The following IL24 variants were observed in gnomAD, a reference collection of about 807,000 sequenced individuals.
IL24 encodes the protein interleukin-24.
A neutral mutation model predicts 27.6 loss-of-function variants in IL24; 24 were observed. That is an observed-to-expected ratio of 0.87 (90% CI 0.63 to 1.22). IL24 has a LOEUF of 1.22. IL24 is among the 50% of genes most tolerant of loss of function. The pLI is 0.00. For missense variants in IL24, 240 were observed against 237.0 expected (o/e 1.01, Z -0.08); for synonymous variants, 99 against 93.1 (o/e 1.06, Z -0.36).
At position 206,901,665 on chromosome 1, in the gene IL24, C is replaced by G. The variant is rs190442232; in HGVS notation, c.462+13C>G. On this transcript the variant is annotated intron_variant, in intron 5 of 6. Transcript: ENST00000294984. ...ACTGCAACCCAGTGTGAGTAGCACACGCTCTGGATACTGGCAGCTCTGGGT... is the reference window on the plus strand; with the variant it reads ...ACTGCAACCCAGTGTGAGTAGCACAGGCTCTGGATACTGGCAGCTCTGGGT... 5.0e-6 allele frequency: 8 copies of G among 1,608,182 alleles called. No individual in the cohort carries two copies. Among genetic ancestry groups the G allele is most frequent in the African/African-American group, 4.0e-5 (3 of 74,920 alleles).
chr1:206,901,607 T>C lies in IL24; in HGVS notation c.417T>C (p.Thr139=). ...VEVRTLKSFS[T]LANNFVLIVS... ...TCAGGACTCTGAAGTCATTCTCTAC[T>C]CTGGCCAACAACTTTGTTCTCATCG... Residue 139 remains threonine (T), a synonymous_variant, in exon 5 of 7, where the codon ACT becomes ACC. Transcript: ENST00000294984. 6.2e-7 allele frequency: 1 copy of C among 1,614,244 alleles called. No homozygotes were observed. Among genetic ancestry groups the C allele is most frequent in the South Asian group, 1.1e-5 (1 of 91,082 alleles).
At position 206,903,163 on chromosome 1, in the gene IL24, GC is replaced by G; in HGVS notation, c.*106del. On this transcript the variant is annotated 3_prime_UTR_variant, in exon 7 of 7. Coordinates refer to ENST00000294984, the MANE Select transcript of IL24 (RefSeq NM_006850.3). ...GTTCACTGGACACTTCACGCCCTTG[GC>G]CATGGGTCCCATTCTTGGCCCAGGA... 1.0e-6 allele frequency: 1 copy of G among 967,566 alleles called. No individual in the cohort carries two copies. Among genetic ancestry groups the G allele is most frequent in the Non-Finnish European group, 1.7e-6 (1 of 604,832 alleles). The allele number at this position is 967,566 out of a possible 1,614,324, so 59.9% of individuals were successfully genotyped here. A position where few individuals can be genotyped will look rare whatever the true frequency, so the allele number is the denominator to read the frequency against.
In IL24 at chr1:206,900,290, C is replaced by A. The variant is rs752898904; in HGVS notation, c.241-5C>A. 1 of 1,613,030 alleles carries A rather than the reference C, an allele frequency of 6.2e-7. No homozygotes were observed. The highest frequency in any genetic ancestry group is 1.1e-5 in the South Asian group (1 of 91,012). ...TGGAGACGTCTTTTCTTTCTGTTTG[C>A]CAAGCAAGCTCAGGATAACATCACG... On this transcript the variant is annotated splice_polypyrimidine_tract_variant and splice_region_variant and intron_variant, in intron 3 of 6. Transcript: ENST00000294984.
At chr1:206,902,189 G>T in intron 6 of IL24, 117 bp downstream of exon 6, 1 of 1,462,042 alleles carries the variant, frequency 6.8e-7, no homozygotes, top group Non-Finnish European at 9.0e-7. Context: ...CATCAGCTTT[G>T]CTCCAAAGCC....
chr1:206,900,271 C>A (rs373839792), intron 3 of IL24, 24 bp from the exon 4 acceptor site: 1 of 1,611,758 alleles, frequency 6.2e-7, no homozygotes, highest in East Asian at 2.2e-5. Context: ...AACCTGGAGA[C>A]GTCTTTTCTT....
chr1:206,899,044 G>A (rs1233869624), intron 2 of IL24, among the ~76,000 whole-genome samples: 2 of 152,224 alleles, frequency 1.3e-5, no homozygotes, highest in Non-Finnish European at 2.9e-5. Context: ...CTGCGATGGA[G>A]AAGGAGGAGG....
Position 206,901,994 on chromosome 1 carries a change from G to T in IL24, c.463-4G>T, listed in dbSNP as rs1678405769. 1.2e-6 allele frequency: 2 copies of T among 1,613,978 alleles called. No individual in the cohort carries two copies. The highest frequency in any genetic ancestry group is 1.7e-6 in the Non-Finnish European group (2 of 1,179,914). On this transcript the variant is annotated splice_polypyrimidine_tract_variant and splice_region_variant and intron_variant, in intron 5 of 6. Transcript: ENST00000294984. ...GGCACAACTTCTTTTCCCATGTTAT[G>T]TAGCAAGAAAATGAGATGTTTTCCA... is the stretch of plus-strand genomic sequence containing the variant.
Position 206,902,959 on chromosome 1 carries a change from C to T in IL24, c.538-17C>T, listed in dbSNP as rs772937595. The T allele has an allele frequency of 1.2e-6, 2 of 1,614,152 alleles. No individual in the cohort carries two copies. Among genetic ancestry groups the T allele is most frequent in the Middle Eastern group, 1.6e-4 (1 of 6,062 alleles). Reference sequence around the variant, plus strand: ...CATAGCTAACATGGCTGACCTTCAACCCTCTTTTCCCTTTAGTTGGACGTA... The same window carrying T: ...CATAGCTAACATGGCTGACCTTCAATCCTCTTTTCCCTTTAGTTGGACGTA... On this transcript the variant is annotated splice_polypyrimidine_tract_variant and intron_variant, in intron 6 of 6. Transcript: ENST00000294984.
intron 4 of IL24, among the ~76,000 whole-genome samples, chr1:206,900,758 T>G (rs1386214425): frequency 6.6e-6 from 1 of 151,940 alleles, no homozygotes; most frequent in East Asian, 1.9e-4. Context: ...CTGGATAGAT[T>G]TAGGGGGTCC....
chr1:206,898,468 GAAGA>G (rs1274818050), intron 2 of IL24, among the ~76,000 whole-genome samples: 2 of 151,810 alleles, frequency 1.3e-5, no homozygotes, highest in Admixed American at 6.6e-5. Flanking sequence ...AGGAAAGAAG[GAAGA>G]AAGAAAGGTA....
chr1:206,902,099 C>T, intron 6 of IL24, 27 bp downstream of exon 6: 1 of 1,613,678 alleles, frequency 6.2e-7, no homozygotes, highest in Middle Eastern at 1.6e-4. Flanking sequence ...AGAGCTTGCC[C>T]ATCCAGCAGA....
chr1:206,902,240 C>T lies in IL24; in HGVS notation c.537+168C>T, dbSNP rs574651616. The T allele has an allele frequency of 2.1e-5, 21 of 985,372 alleles. No homozygotes were observed. In the East Asian group the frequency reaches 4.5e-4, roughly 21 times the overall value. 61.0% of individuals were successfully genotyped at this position (985,372 alleles called of 1,614,324 possible). ...AGCACAGTTATATTTGCAGAAGCAT[C>T]GTAAACTAAGTGGTCTTTTTTCTTC... is the stretch of plus-strand genomic sequence containing the variant. On this transcript the variant is annotated intron_variant, in intron 6 of 6. Transcript: ENST00000294984.
chr1:206,898,164 CAAAAA>C (rs59175256), intron 2 of IL24, among the ~76,000 whole-genome samples: 12 of 100,026 alleles, frequency 1.2e-4, no homozygotes, highest in South Asian at 4.2e-4. Context: ...GAAATTCTGT[CAAAAA>C]AAAAAAAAAA....
chr1:206,897,640 C>T, intron 1 of IL24, 25 bp downstream of exon 1: 1 of 471,410 alleles, frequency 2.1e-6, no homozygotes, highest in East Asian at 3.7e-5. Context: ...TTCTTGGTTA[C>T]TTTTTTTTGA....
intron 2 of IL24, among the ~76,000 whole-genome samples, chr1:206,899,007 G>A (rs1294963021): frequency 6.6e-6 from 1 of 152,312 alleles, no homozygotes; most frequent in South Asian, 2.1e-4. Context: ...GTCAAATTCT[G>A]ACTCGCAGGT....
Position 206,901,475 on chromosome 1 carries a change from T to C in IL24, c.304-19T>C. The C allele has an allele frequency of 2.5e-6, 4 of 1,602,274 alleles. No individual in the cohort carries two copies. The South Asian group carries it at 4.5e-5, about 18-fold the overall frequency. ...GTGGGCAGAGGCCTTGGCTCAGCAG[T>C]GACCCAGACCTTCCCCAGGATGCTG... On this transcript the variant is annotated intron_variant, in intron 4 of 6. Coordinates refer to ENST00000294984, the MANE Select transcript of IL24 (RefSeq NM_006850.3).
At chr1:206,900,705 C>T (rs1678346167) in intron 4 of IL24, among the ~76,000 whole-genome samples, 1 of 151,966 alleles carries the variant, frequency 6.6e-6, no homozygotes, top group East Asian at 1.9e-4. Context: ...GTCCTTTTTC[C>T]TGGGTCCTCC....
In IL24 at chr1:206,901,616, CA is replaced by C. The variant is rs1275897290; in HGVS notation, c.428del (p.Asn143ThrfsTer40). The C allele has an allele frequency of 6.2e-7, 1 of 1,614,186 alleles. No individual in the cohort carries two copies. The highest frequency in any genetic ancestry group is 8.5e-7 in the Non-Finnish European group (1 of 1,180,002). On this transcript the variant is annotated frameshift_variant, in exon 5 of 7. Coordinates refer to ENST00000294984, the MANE Select transcript of IL24 (RefSeq NM_006850.3). LOFTEE classifies it high-confidence loss of function. ...TGAAGTCATTCTCTACTCTGGCCAA[CA>C]ACTTTGTTCTCATCGTGTCACAACT... is the stretch of plus-strand genomic sequence containing the variant. ...TLKSFSTLAN[N>X]FVLIVSQLQP...
rs574116962 is a variant in IL24 at position 206,899,168 on chromosome 1, C to T, written c.45-152C>T. 42 of 762,082 alleles carry T rather than the reference C, an allele frequency of 5.5e-5. No individual in the cohort carries two copies. The South Asian group carries it at 7.2e-4, about 13-fold the overall frequency. The allele number at this position is 762,082 out of a possible 1,614,324, so 47.2% of individuals were successfully genotyped here. ...AGACCCCTGCTTCACCCCCACTGCACCTTAGCAAGGCTGCCGGTTTGCAAT... is the reference window on the plus strand; with the variant it reads ...AGACCCCTGCTTCACCCCCACTGCATCTTAGCAAGGCTGCCGGTTTGCAAT... On this transcript the variant is annotated intron_variant, in intron 2 of 6. Coordinates refer to ENST00000294984, the MANE Select transcript of IL24 (RefSeq NM_006850.3).
Sources: gnomAD v4.1 joint callset for allele counts (sites outside exome capture counted in the v4.1 genomes callset) on GRCh38, gnomAD v4.1.1 for gene constraint, MANE v1.5 for transcripts, NCBI Gene and HGNC (gene_info 2026-07-23, HGNC 2026-07-21) for gene names.